The following COL22A1 variants were observed in gnomAD, a reference collection of about 807,000 sequenced individuals.
COL22A1 encodes collagen alpha-1(XXII) chain.
In COL22A1, 221 loss-of-function variants were observed where a neutral mutation model predicts 248.9. That is an observed-to-expected ratio of 0.89 (90% CI 0.80 to 0.99). The LOEUF (loss-of-function observed/expected upper bound fraction) is 0.99. Among genes scored for constraint, COL22A1 ranks in the 50% least tolerant of loss-of-function variants. COL22A1 has a pLI of 0.00. For synonymous variants in COL22A1, 891 were observed against 793.4 expected (o/e 1.12, Z -2.07); for missense variants, 2,240 against 2,179.0 (o/e 1.03, Z -0.56).
rs190592589 is a variant in COL22A1 at position 138,589,069 on chromosome 8, G to A, written c.*184C>T. On this transcript the variant is annotated 3_prime_UTR_variant, in exon 65 of 65. Coordinates refer to ENST00000303045, the MANE Select transcript of COL22A1 (RefSeq NM_152888.3). Reference sequence around the variant, plus strand: ...AATATTAATAATAATCTGACCGACCGGCAGCGTCTGTTGGATTTAATAATT... The same window carrying A: ...AATATTAATAATAATCTGACCGACCAGCAGCGTCTGTTGGATTTAATAATT... 1.0e-4 allele frequency: 60 copies of A among 586,546 alleles called. No individual in the cohort carries two copies. In the East Asian group the frequency reaches 1.0e-3, roughly 10 times the overall value. The allele number at this position is 586,546 out of a possible 1,614,324, so 36.3% of individuals were successfully genotyped here. A position where few individuals can be genotyped will look rare whatever the true frequency, so the allele number is the denominator to read the frequency against.
intron 45 of COL22A1, among the ~76,000 whole-genome samples, chr8:138,650,449 C>T (rs1228057035): frequency 6.6e-6 from 1 of 152,186 alleles, no homozygotes; most frequent in African/African-American, 2.4e-5. Context: ...GAGCCCAGAG[C>T]ATGTGTTTTC....
At chr8:138,638,344 T>C (rs1171648641) in intron 47 of COL22A1, among the ~76,000 whole-genome samples, 1 of 152,186 alleles carries the variant, frequency 6.6e-6, no homozygotes, top group Non-Finnish European at 1.5e-5. Flanking sequence ...TCCCTTAACT[T>C]TGCATTCTTA....
At position 138,634,973 on chromosome 8, in the gene COL22A1, A is replaced by C. The variant is rs754916706; in HGVS notation, c.3609+37T>G. 21 of 1,403,774 alleles carry C rather than the reference A, an allele frequency of 1.5e-5. No individual in the cohort carries two copies. The East Asian group carries it at 4.8e-4, about 32-fold the overall frequency. The allele number at this position is 1,403,774 out of a possible 1,614,324, so 87.0% of individuals were successfully genotyped here. ...AGTTGAGATGTGCATTCAAATGTCA[A>C]GGCCGAAAGAGGAGGGGATTAAAGA... is the stretch of plus-strand genomic sequence containing the variant. On this transcript the variant is annotated intron_variant, in intron 49 of 64. Transcript: ENST00000303045.
At chr8:138,610,998 C>T (rs1354111240) in intron 56 of COL22A1, among the ~76,000 whole-genome samples, 3 of 152,058 alleles carry the variant, frequency 2.0e-5, no homozygotes, top group African/African-American at 7.2e-5. Context: ...ACCAGGAGGT[C>T]GAGGCTGCAG....
chr8:138,776,941 T>A (rs1814518107), intron 15 of COL22A1, among the ~76,000 whole-genome samples: 1 of 152,218 alleles, frequency 6.6e-6, no homozygotes, highest in African/African-American at 2.4e-5. Context: ...TGGCAGTGCA[T>A]GTGCCTGCTC....
chr8:138,660,983 C>G (rs1352917315), intron 43 of COL22A1, among the ~76,000 whole-genome samples: 3 of 137,752 alleles, frequency 2.2e-5, no homozygotes, highest in Non-Finnish European at 4.7e-5. Flanking sequence ...CATACACACA[C>G]ACATACACAC....
At chr8:138,854,809 TGATGATGGTGATGATGGTGAC>T (rs1364338865) in intron 3 of COL22A1, among the ~76,000 whole-genome samples, 4 of 143,662 alleles carry the variant, frequency 2.8e-5, no homozygotes, top group South Asian at 2.2e-4. Flanking sequence ...GTGATGGTGA[TGATGATGGTGATGATGGTGAC>T]GATGATGGTG....
At chr8:138,875,784 C>T (rs769534932) in intron 3 of COL22A1, among the ~76,000 whole-genome samples, 9 of 152,100 alleles carry the variant, frequency 5.9e-5, no homozygotes, top group Admixed American at 1.3e-4. Flanking sequence ...ATTCTGTGTG[C>T]GCTTATCTAT....
intron 3 of COL22A1, among the ~76,000 whole-genome samples, chr8:138,852,345 C>G (rs1821708028): frequency 6.6e-6 from 1 of 152,054 alleles, no homozygotes; most frequent in Non-Finnish European, 1.5e-5. Context: ...GTAGCCAGTC[C>G]CTGGATCTAT....
At chr8:138,591,399 C>A (rs775138171) in intron 64 of COL22A1, 25 bp downstream of exon 64, 1 of 1,553,948 alleles carries the variant, frequency 6.4e-7, no homozygotes, top group Non-Finnish European at 8.7e-7. Context: ...ACACCCTACC[C>A]CTGAGACTGC....
chr8:138,749,411 T>A (rs545751478), intron 22 of COL22A1, among the ~76,000 whole-genome samples: 1 of 152,228 alleles, frequency 6.6e-6, no homozygotes, highest in East Asian at 1.9e-4. Context: ...CATCTAACTC[T>A]ACTTTGGAAA....
At chr8:138,595,904 A>G (rs1817500957) in intron 62 of COL22A1, among the ~76,000 whole-genome samples, 1 of 152,084 alleles carries the variant, frequency 6.6e-6, no homozygotes, top group Admixed American at 6.6e-5. Context: ...CTAACTTCCT[A>G]TTGCAGAGGG....
intron 40 of COL22A1, 79 bp downstream of exon 40, chr8:138,679,538 T>C (rs1825804066): frequency 8.4e-7 from 1 of 1,189,260 alleles, no homozygotes; most frequent in African/African-American, 1.5e-5. Flanking sequence ...TCAGTCCCAT[T>C]ATTTTGTTGT....
At position 138,833,243 on chromosome 8, in the gene COL22A1, C is replaced by A. The variant is rs796589351; in HGVS notation, c.734-93G>T. 37 of 798,390 alleles carry A rather than the reference C, an allele frequency of 4.6e-5. No individual in the cohort carries two copies. In the African/African-American group the frequency reaches 5.2e-4, roughly 11 times the overall value. The allele number at this position is 798,390 out of a possible 1,614,324, so 49.5% of individuals were successfully genotyped here. ...ATCCGCTGTCTGCAAAGGCAGCCTG[C>A]CCATCCTGCCCCAGGAGAACAGATC... is the stretch of plus-strand genomic sequence containing the variant. On this transcript the variant is annotated intron_variant, in intron 4 of 64. Coordinates refer to ENST00000303045, the MANE Select transcript of COL22A1 (RefSeq NM_152888.3).
Position 138,736,814 on chromosome 8 carries a change from G to A in COL22A1, c.2139+710C>T, listed in dbSNP as rs980243808. Among the ~76,000 whole-genome samples the A allele has an allele frequency of 5.3e-5, 8 of 152,154 alleles. No individual in the cohort carries two copies. In the East Asian group the frequency reaches 9.7e-4, roughly 18 times the overall value. On this transcript the variant is annotated intron_variant, in intron 23 of 64. Transcript: ENST00000303045. ...AGGAACAGAGGCCTCTGAGACTGGG[G>A]CCCTAACCCCATCATTTTACAGATG...
At chr8:138,606,056 C>G (rs1818392858) in intron 58 of COL22A1, among the ~76,000 whole-genome samples, 2 of 152,192 alleles carry the variant, frequency 1.3e-5, no homozygotes, top group Non-Finnish European at 2.9e-5. Context: ...TTGCTGATCC[C>G]TTTATATGAA....
chr8:138,721,919 A>T (rs1829894525), intron 26 of COL22A1, 117 bp downstream of exon 26: 1 of 826,824 alleles, frequency 1.2e-6, no homozygotes, highest in African/African-American at 1.7e-5. Context: ...ATTTCAACTG[A>T]ATCCTGATCG....
intron 7 of COL22A1, among the ~76,000 whole-genome samples, chr8:138,815,392 T>C (rs1197824252): frequency 6.6e-6 from 1 of 152,144 alleles, no homozygotes; most frequent in Admixed American, 6.5e-5. Flanking sequence ...CTCTTGCTAA[T>C]GTATCAGAGC....
chr8:138,754,124 T>G (rs1832810447), intron 21 of COL22A1, among the ~76,000 whole-genome samples: 1 of 152,240 alleles, frequency 6.6e-6, no homozygotes, highest in Non-Finnish European at 1.5e-5. Flanking sequence ...ATGCATATAT[T>G]TGCACAAGAA....
Sources: gnomAD v4.1 joint callset for allele counts (sites outside exome capture counted in the v4.1 genomes callset) on GRCh38, gnomAD v4.1.1 for gene constraint, MANE v1.5 for transcripts, NCBI Gene and HGNC (gene_info 2026-07-23, HGNC 2026-07-21) for gene names.